The following CHIC2 variants were observed in gnomAD, a reference collection of about 807,000 sequenced individuals.
CHIC2 encodes the protein cysteine-rich hydrophobic domain-containing protein 2.
A neutral mutation model predicts 25.9 loss-of-function variants in CHIC2; 14 were observed. That is an observed-to-expected ratio of 0.54 (90% CI 0.36 to 0.85). The LOEUF is 0.85. CHIC2 is among the 40% of genes least tolerant of loss of function. The pLI is 0.01. For synonymous variants in CHIC2, 70 were observed against 72.0 expected (o/e 0.97, Z 0.14); for missense variants, 146 against 202.0 (o/e 0.72, Z 1.68).
At chr4:54,026,484 C>T (rs1432784164) in intron 3 of CHIC2, among the ~76,000 whole-genome samples, 1 of 152,074 alleles carries the variant, frequency 6.6e-6, no homozygotes, top group Non-Finnish European at 1.5e-5. Context: ...TGTGCCACTG[C>T]ACTCCAGCCT....
intron 3 of CHIC2, among the ~76,000 whole-genome samples, chr4:54,029,042 G>A (rs1196629150): frequency 1.3e-5 from 2 of 151,368 alleles, no homozygotes; most frequent in South Asian, 2.1e-4. Flanking sequence ...ACAATCACTC[G>A]AACTGGGGAG....
chr4:54,030,667 T>A (rs1476532282), intron 3 of CHIC2, among the ~76,000 whole-genome samples: 1 of 121,370 alleles, frequency 8.2e-6, no homozygotes, highest in Non-Finnish European at 1.6e-5. Flanking sequence ...AAAATGCTAA[T>A]TTTTTTTTTT....
chr4:54,042,577 G>A (rs1716611887), intron 3 of CHIC2, among the ~76,000 whole-genome samples: 1 of 152,184 alleles, frequency 6.6e-6, no homozygotes, highest in South Asian at 2.1e-4. Context: ...AAACTCTTAG[G>A]ATTTTCTGGG....
chr4:54,062,814 T>C (rs942424837), intron 1 of CHIC2, among the ~76,000 whole-genome samples: 1 of 152,132 alleles, frequency 6.6e-6, no homozygotes, highest in Admixed American at 6.6e-5. Flanking sequence ...CAAAATAAAA[T>C]CAAATGGCAG....
intron 1 of CHIC2, 73 bp from the exon 2 acceptor site, chr4:54,049,378 GGTCAA>G (rs1453839764): frequency 4.2e-6 from 4 of 956,180 alleles, no homozygotes; most frequent in Non-Finnish European, 6.3e-6. Flanking sequence ...TTAATTTAAA[GGTCAA>G]GTCAATAGAA....
chr4:54,035,184 A>G (rs911505876), intron 3 of CHIC2, among the ~76,000 whole-genome samples: 5 of 152,046 alleles, frequency 3.3e-5, no homozygotes, highest in African/African-American at 1.2e-4. Context: ...CATGAGGAAC[A>G]TTTTTCTGTA....
intron 1 of CHIC2, among the ~76,000 whole-genome samples, chr4:54,063,788 C>G (rs534565314): frequency 4.6e-5 from 7 of 152,360 alleles, no homozygotes; most frequent in African/African-American, 1.7e-4. Flanking sequence ...CAGATCTGGC[C>G]TCTGAGCCAT....
the CHIC2 span, chr4:54,087,473 A>G: frequency 4.9e-6 from 4 of 819,108 alleles, 1 homozygote; most frequent in South Asian, 1.2e-4. Context: ...AATTGTGACA[A>G]GAATAAAAGA....
the CHIC2 span, among the ~76,000 whole-genome samples, chr4:54,069,651 C>T: frequency 2.0e-5 from 3 of 152,190 alleles, no homozygotes. Flanking sequence ...GAGCTGCCAG[C>T]CTACAGTCAA....
intron 3 of CHIC2, among the ~76,000 whole-genome samples, chr4:54,046,944 C>T (rs1483247134): frequency 6.6e-6 from 1 of 151,974 alleles, no homozygotes; most frequent in African/African-American, 2.4e-5. Flanking sequence ...AACTCAAACA[C>T]ATTTACAAGA....
chr4:54,038,439 C>T (rs552449110), intron 3 of CHIC2, among the ~76,000 whole-genome samples: 18 of 152,136 alleles, frequency 1.2e-4, no homozygotes, highest in South Asian at 2.1e-4. Flanking sequence ...CTATATGCTA[C>T]GCAAAAAACT....
intron 5 of CHIC2, among the ~76,000 whole-genome samples, chr4:54,010,650 T>G (rs571253357): frequency 3.3e-4 from 50 of 152,140 alleles, no homozygotes; most frequent in Non-Finnish European, 5.4e-4. Context: ...CAATTGAATG[T>G]GGAGTCACTG....
At chr4:54,047,726 C>A (rs1716878058) in intron 3 of CHIC2, among the ~76,000 whole-genome samples, 1 of 151,338 alleles carries the variant, frequency 6.6e-6, no homozygotes, top group South Asian at 2.1e-4. Context: ...GTGCAGCACA[C>A]CAACATGGCA....
At chr4:54,077,734 C>T in the CHIC2 span, among the ~76,000 whole-genome samples, 1 of 152,210 alleles carries the variant, frequency 6.6e-6, no homozygotes, top group African/African-American at 2.4e-5. Flanking sequence ...AAAGATCCCA[C>T]TCTGCCAGTG....
chr4:54,019,294 T>C (rs541411683), intron 3 of CHIC2, among the ~76,000 whole-genome samples: 38 of 152,224 alleles, frequency 2.5e-4, no homozygotes, highest in African/African-American at 8.7e-4. Flanking sequence ...AACAAATTCC[T>C]TTCCTGTACA....
At chr4:54,088,434 A>G in the CHIC2 span, among the ~76,000 whole-genome samples, 3 of 152,250 alleles carry the variant, frequency 2.0e-5, no homozygotes, top group Admixed American at 6.5e-5. Context: ...ATTTGTTTCT[A>G]AATTTCAAAG....
chr4:54,020,259 C>T (rs1386569042), intron 3 of CHIC2, among the ~76,000 whole-genome samples: 1 of 152,126 alleles, frequency 6.6e-6, no homozygotes, highest in Non-Finnish European at 1.5e-5. Context: ...TTGTAATCGC[C>T]CCCACCCTTA....
the CHIC2 span, among the ~76,000 whole-genome samples, chr4:54,071,409 C>T: frequency 6.6e-6 from 1 of 152,226 alleles, no homozygotes. Flanking sequence ...GCCTTATAAG[C>T]CTTGTAAACA....
At chr4:54,064,692 C>T (rs1216401057), upstream of CHIC2, 7 of 1,003,884 alleles carry the variant, frequency 7.0e-6, no homozygotes, top group Non-Finnish European at 2.4e-6. This position sits in a 1 kb window ranked among gnomAD's most constrained non-coding sequence, Gnocchi z 4.2. Context: ...CGGGCGCGTG[C>T]GTGGGCGCGT....
Sources: gnomAD v4.1 joint callset for allele counts (sites outside exome capture counted in the v4.1 genomes callset) on GRCh38, gnomAD v4.1.1 for gene constraint, Gnocchi (gnomAD v3.1) non-coding constraint, MANE v1.5 for transcripts, NCBI Gene and HGNC (gene_info 2026-07-23, HGNC 2026-07-21) for gene names.